PCNA: variants seen among roughly 807,000 people sequenced by gnomAD.
PCNA encodes the protein DNA sliding clamp PCNA.
Under a neutral mutation model 27.8 loss-of-function variants are expected in PCNA, and 4 were observed. The observed-to-expected ratio is 0.14, with a 90% CI of 0.07 to 0.33. The LOEUF (loss-of-function observed/expected upper bound fraction) is 0.33, where lower values mean the gene tolerates loss of function less well. PCNA is among the 10% of genes least tolerant of loss of function. PCNA has a pLI of 1.00. For synonymous variants in PCNA, 121 were observed against 119.4 expected (o/e 1.01, Z -0.09); for missense variants, 165 against 327.4 (o/e 0.50, Z 3.83).
chr20:5,115,199 G>A lies in PCNA; in HGVS notation c.*84C>T. 2.1e-6 allele frequency: 2 copies of A among 971,240 alleles called. No individual in the cohort carries two copies. Among genetic ancestry groups the A allele is most frequent in the Non-Finnish European group, 3.2e-6 (2 of 622,068 alleles). The allele number at this position is 971,240 out of a possible 1,614,324, so 60.2% of individuals were successfully genotyped here. On this transcript the variant is annotated 3_prime_UTR_variant, in exon 6 of 6. Coordinates refer to ENST00000379143, the MANE Select transcript of PCNA (RefSeq NM_182649.2). ...ATGTACTTAGAGGTACAAATTTGGTGACAGAAAAGACTTCAGTATATGCTG... is the reference window on the plus strand; with the variant it reads ...ATGTACTTAGAGGTACAAATTTGGTAACAGAAAAGACTTCAGTATATGCTG...
chr20:5,120,160 C>G (rs1424602372), upstream of PCNA: 2 of 263,444 alleles, frequency 7.6e-6, no homozygotes, highest in African/African-American at 2.2e-5. Context: ...TCTTTGACTC[C>G]TGAACCCGGC....
chr20:5,125,808 T>A lies in PCNA; in HGVS notation c.-117+692A>T, dbSNP rs1233898191. Among the ~76,000 whole-genome samples, 11 of 152,202 alleles carry A rather than the reference T, an allele frequency of 7.2e-5. No individual in the cohort carries two copies. The East Asian group carries it at 1.9e-3, about 27-fold the overall frequency. On this transcript the variant is annotated intron_variant, in intron 1 of 6. Transcript: ENST00000379160. Reference sequence around the variant, plus strand: ...TGGGAGACCTTGGCTAAGGTCCTTTTAAAAGTTTTAAATCCATCCAACAAG... The same window carrying A: ...TGGGAGACCTTGGCTAAGGTCCTTTAAAAAGTTTTAAATCCATCCAACAAG...
Position 5,119,544 on chromosome 20 carries a change from GCCGGGGCCGGCTTC to G in PCNA, c.221+20_221+33del. On this transcript the variant is annotated intron_variant, in intron 1 of 5. Coordinates refer to ENST00000379143, the MANE Select transcript of PCNA (RefSeq NM_182649.2). ...CGCCAAGCACCGGAGGTGCAGGCGG[GCCGGGGCCGGCTTC>G]CCGGGGCCGCGAGGCTCACCTGGTG... is the stretch of plus-strand genomic sequence containing the variant. 1 of 1,569,130 alleles carries G rather than the reference GCCGGGGCCGGCTTC, an allele frequency of 6.4e-7. No individual in the cohort carries two copies. Among genetic ancestry groups the G allele is most frequent in the South Asian group, 1.1e-5 (1 of 88,302 alleles).
chr20:5,120,476 C>T (rs2090511623), upstream of PCNA, among the ~76,000 whole-genome samples: 1 of 152,188 alleles, frequency 6.6e-6, no homozygotes, highest in South Asian at 2.1e-4. Flanking sequence ...AACATTCCCC[C>T]GCCAGCTCTT....
chr20:5,125,361 C>G (rs1012832478), intron 1 of PCNA, among the ~76,000 whole-genome samples: 1 of 152,210 alleles, frequency 6.6e-6, no homozygotes, highest in South Asian at 2.1e-4. Context: ...GTAGCTCATG[C>G]CTGTAATCCC....
At chr20:5,123,567 C>T (rs1418893004), upstream of PCNA, among the ~76,000 whole-genome samples, 1 of 151,710 alleles carries the variant, frequency 6.6e-6, no homozygotes, top group Non-Finnish European at 1.5e-5. Flanking sequence ...TGGTGGTGCA[C>T]ACCTGTAATT....
chr20:5,119,879 A>C lies in PCNA; in HGVS notation c.-81T>G. 1 of 1,148,696 alleles carries C rather than the reference A, an allele frequency of 8.7e-7. No individual in the cohort carries two copies. Among genetic ancestry groups the C allele is most frequent in the Non-Finnish European group, 1.3e-6 (1 of 793,198 alleles). The allele number at this position is 1,148,696 out of a possible 1,614,324, so 71.2% of individuals were successfully genotyped here. ...CTGGTTTCGGCTTCAGGAGCCTCAG[A>C]GCGAGCGGGCGAACGTCGCGACGAC... On this transcript the variant is annotated 5_prime_UTR_variant, in exon 1 of 6. Coordinates refer to ENST00000379143, the MANE Select transcript of PCNA (RefSeq NM_182649.2).
upstream of PCNA, chr20:5,120,041 A>G (rs36228617): frequency 0.076 from 40,806 of 538,014 alleles, 1,918 homozygotes; most frequent in Non-Finnish European, 0.098. Flanking sequence ...CCTTGCGGGG[A>G]AGACTTTAGG....
intron 3 of PCNA, 57 bp from the exon 4 acceptor site, chr20:5,117,721 C>T (rs2090485309): frequency 9.1e-7 from 1 of 1,096,050 alleles, no homozygotes; most frequent in Non-Finnish European, 1.3e-6. Context: ...TGATTTGGCA[C>T]CCTCACTTTC....
In PCNA at chr20:5,115,510, A is replaced by G. The variant is rs746973454; in HGVS notation, c.645T>C (p.Phe215=). 2.5e-5 allele frequency: 40 copies of G among 1,613,828 alleles called. No individual in the cohort carries two copies. The highest frequency in any genetic ancestry group is 3.3e-5 in the Non-Finnish European group (39 of 1,179,816). ...LTFALRYLNF[F]TKATPLSSTV... ...TTGAAGAGAGTGGAGTGGCTTTTGT[A>G]AAGAAGTTCAGGTACCTCAGTGCAA... Residue 215 remains phenylalanine (F), a synonymous_variant, in exon 5 of 6, where the codon TTT becomes TTC. Coordinates refer to ENST00000379143, the MANE Select transcript of PCNA (RefSeq NM_182649.2).
At chr20:5,121,971 T>C (rs185572399), upstream of PCNA, among the ~76,000 whole-genome samples, 4 of 149,416 alleles carry the variant, frequency 2.7e-5, no homozygotes, top group East Asian at 7.9e-4. Context: ...CTTTTTTTTT[T>C]TCTTTTTCTT....
At chr20:5,126,070 C>G (rs889839209) in intron 1 of PCNA, among the ~76,000 whole-genome samples, 5 of 152,148 alleles carry the variant, frequency 3.3e-5, no homozygotes, top group Non-Finnish European at 5.9e-5. Context: ...CCCGTCTCTA[C>G]TAAAAATACA....
intron 4 of PCNA, among the ~76,000 whole-genome samples, chr20:5,117,255 G>A (rs2090481424): frequency 6.6e-6 from 1 of 152,184 alleles, no homozygotes; most frequent in Admixed American, 6.5e-5. Flanking sequence ...CCACTGTTCT[G>A]TGGTATGTAC....
intron 1 of PCNA, chr20:5,126,426 G>T (rs994253811): frequency 6.6e-6 from 1 of 152,274 alleles, no homozygotes; most frequent in Non-Finnish European, 1.5e-5. Flanking sequence ...CTCATCATGT[G>T]ATAAGTGATA....
rs1230712040 is a variant in PCNA at position 5,118,687 on chromosome 20, G to C, written c.320-10C>G. ...GAAACTTTCTCCTGGTCTACCAAAA[G>C]AAAGCAGATGCTTTTGAGAAATACT... On this transcript the variant is annotated splice_polypyrimidine_tract_variant and intron_variant, in intron 2 of 5. Coordinates refer to ENST00000379143, the MANE Select transcript of PCNA (RefSeq NM_182649.2). 1 of 1,612,932 alleles carries C rather than the reference G, an allele frequency of 6.2e-7. No homozygotes were observed. The highest frequency in any genetic ancestry group is 8.5e-7 in the Non-Finnish European group (1 of 1,178,876).
In PCNA at chr20:5,119,905, C is replaced by G. The variant is rs1131338; in HGVS notation, c.-107G>C. ...GCGAGCGGGCGAACGTCGCGACGAC[C>G]GGCTGAGACCTAGAAAGACAACGAC... On this transcript the variant is annotated 5_prime_UTR_variant, in exon 1 of 6. Coordinates refer to ENST00000379143, the MANE Select transcript of PCNA (RefSeq NM_182649.2). The G allele has an allele frequency of 3.5e-3, 2,838 of 807,840 alleles. 12 individuals carry two copies. The highest frequency in any genetic ancestry group is 4.1e-3 in the Non-Finnish European group (2,061 of 496,930). 50.0% of individuals were successfully genotyped at this position (807,840 alleles called of 1,614,324 possible).
Position 5,119,874 on chromosome 20 carries a change from C to T in PCNA, c.-76G>A, listed in dbSNP as rs2090506374. ...TCTAGCTGGTTTCGGCTTCAGGAGCCTCAGAGCGAGCGGGCGAACGTCGCG... is the reference window on the plus strand; with the variant it reads ...TCTAGCTGGTTTCGGCTTCAGGAGCTTCAGAGCGAGCGGGCGAACGTCGCG... On this transcript the variant is annotated 5_prime_UTR_variant, in exon 1 of 6. Coordinates refer to ENST00000379143, the MANE Select transcript of PCNA (RefSeq NM_182649.2). 21 of 1,214,118 alleles carry T rather than the reference C, an allele frequency of 1.7e-5. No individual in the cohort carries two copies. The highest frequency in any genetic ancestry group is 2.2e-5 in the Non-Finnish European group (19 of 850,558). The allele number at this position is 1,214,118 out of a possible 1,614,324, so 75.2% of individuals were successfully genotyped here. A position where few individuals can be genotyped will look rare whatever the true frequency, so the allele number is the denominator to read the frequency against.
In PCNA at chr20:5,119,912, G is replaced by C; in HGVS notation, c.-114C>G. 2 of 756,570 alleles carry C rather than the reference G, an allele frequency of 2.6e-6. No individual in the cohort carries two copies. Among genetic ancestry groups the C allele is most frequent in the Non-Finnish European group, 4.4e-6 (2 of 456,816 alleles). 46.9% of individuals were successfully genotyped at this position (756,570 alleles called of 1,614,324 possible). ...GGCGAACGTCGCGACGACCGGCTGAGACCTAGAAAGACAACGACCACTCTG... is the reference window on the plus strand; with the variant it reads ...GGCGAACGTCGCGACGACCGGCTGACACCTAGAAAGACAACGACCACTCTG... On this transcript the variant is annotated 5_prime_UTR_variant, in exon 1 of 6. Transcript: ENST00000379143.
In PCNA at chr20:5,119,567, G is replaced by T. The variant is rs375580697; in HGVS notation, c.221+11C>A. 1 of 1,604,398 alleles carries T rather than the reference G, an allele frequency of 6.2e-7. No individual in the cohort carries two copies. Among genetic ancestry groups the T allele is most frequent in the Non-Finnish European group, 8.5e-7 (1 of 1,176,268 alleles). ...GGGCCGGGGCCGGCTTCCCGGGGCC[G>T]CGAGGCTCACCTGGTGAGGTTCACG... On this transcript the variant is annotated intron_variant, in intron 1 of 5. Coordinates refer to ENST00000379143, the MANE Select transcript of PCNA (RefSeq NM_182649.2).
Sources: allele counts gnomAD v4.1 joint callset (sites outside exome capture counted in the v4.1 genomes callset), GRCh38; gene constraint gnomAD v4.1.1; transcripts MANE v1.5; gene names NCBI Gene and HGNC (gene_info 2026-07-23, HGNC 2026-07-21).